The following GPHN variants were observed in gnomAD, a reference collection of about 807,000 sequenced individuals.
GPHN encodes gephyrin.
GPHN carries 17 observed loss-of-function variants against 95.5 expected under a neutral mutation model. That is an observed-to-expected ratio of 0.18 (90% CI 0.12 to 0.27). GPHN has a LOEUF of 0.27. GPHN is among the 10% of genes least tolerant of loss of function. GPHN has a pLI of 1.00. For missense variants in GPHN, 660 were observed against 978.1 expected, an observed-to-expected ratio of 0.67 and a Z score of 4.34; for synonymous variants, 320 against 322.5, an observed-to-expected ratio of 0.99 and a Z score of 0.08.
the GPHN span, among the ~76,000 whole-genome samples, chr14:67,436,660 C>A: frequency 6.6e-6 from 1 of 152,206 alleles, no homozygotes; most frequent in African/African-American, 2.4e-5. Context: ...TCCACAAGTT[C>A]CTCCCATAGG....
the GPHN span, among the ~76,000 whole-genome samples, chr14:67,313,324 C>T: frequency 2.0e-5 from 3 of 152,120 alleles, no homozygotes; most frequent in African/African-American, 7.2e-5. Context: ...AGAAATGTGC[C>T]ATTAGGTGAT....
At chr14:67,712,686 A>G in the GPHN span, among the ~76,000 whole-genome samples, 2 of 152,132 alleles carry the variant, frequency 1.3e-5, no homozygotes, top group Admixed American at 6.5e-5. Flanking sequence ...AATTGCTGCT[A>G]TTTCAGAAGT....
chr14:66,629,124 T>C (rs994562659), intron 1 of GPHN, among the ~76,000 whole-genome samples: 35 of 135,276 alleles, frequency 2.6e-4, no homozygotes, highest in African/African-American at 7.3e-4. Context: ...TATATAAATA[T>C]GTATATAAAT....
chr14:67,372,458 C>T, the GPHN span, among the ~76,000 whole-genome samples: 1 of 152,174 alleles, frequency 6.6e-6, no homozygotes, highest in Non-Finnish European at 1.5e-5. Flanking sequence ...AAATTAAGAA[C>T]TTATGTTCTT....
chr14:67,214,509 T>C, the GPHN span, among the ~76,000 whole-genome samples: 1 of 152,246 alleles, frequency 6.6e-6, no homozygotes, highest in African/African-American at 2.4e-5. Flanking sequence ...GGCTCTGTTC[T>C]GTTCCATTGA....
chr14:67,180,419 T>C (rs1307714626), intron 22 of GPHN, among the ~76,000 whole-genome samples: 2 of 152,220 alleles, frequency 1.3e-5, no homozygotes, highest in African/African-American at 2.4e-5. Flanking sequence ...GTAAAGTGCC[T>C]AGTACTTTGG....
chr14:67,200,205 C>A, the GPHN span: 1 of 1,115,596 alleles, frequency 9.0e-7, no homozygotes, highest in Non-Finnish European at 1.3e-6. Flanking sequence ...TGATGCCCCC[C>A]ATGGATACAC....
At chr14:66,940,033 C>A (rs1360782621) in intron 8 of GPHN, among the ~76,000 whole-genome samples, 1 of 152,098 alleles carries the variant, frequency 6.6e-6, no homozygotes, top group Non-Finnish European at 1.5e-5. Flanking sequence ...AAAAGCTTGA[C>A]CGGTAAGAAA....
At chr14:67,488,264 T>A in the GPHN span, among the ~76,000 whole-genome samples, 1 of 152,260 alleles carries the variant, frequency 6.6e-6, no homozygotes, top group Admixed American at 6.5e-5. Context: ...TAGAGGCCGC[T>A]TGGGCCCTTG....
At chr14:67,098,526 TG>T (rs2077516876) in intron 12 of GPHN, among the ~76,000 whole-genome samples, 1 of 151,392 alleles carries the variant, frequency 6.6e-6, no homozygotes, top group South Asian at 2.1e-4. Flanking sequence ...AAAAAGAAAA[TG>T]GGTCAGGCGC....
intron 1 of GPHN, among the ~76,000 whole-genome samples, chr14:66,557,174 T>C (rs1483558817): frequency 1.3e-5 from 2 of 151,914 alleles, no homozygotes; most frequent in African/African-American, 4.8e-5. Context: ...GCCACTGTAC[T>C]CCAGCCTGGG....
At chr14:67,473,689 TGAGGCAGCGCA>T in the GPHN span, 1 of 1,588,302 alleles carries the variant, frequency 6.3e-7, no homozygotes, top group East Asian at 2.3e-5. This position sits in a 1 kb window ranked among gnomAD's most constrained non-coding sequence, Gnocchi z 6.5. Flanking sequence ...AGCGTGTAGA[TGAGGCAGCGCA>T]GGAGCAGCGG....
At chr14:66,513,826 T>C (rs1308315143) in intron 1 of GPHN, among the ~76,000 whole-genome samples, 3 of 151,958 alleles carry the variant, frequency 2.0e-5, no homozygotes, top group Non-Finnish European at 4.4e-5. Context: ...ATTTATAAAC[T>C]AAATTGTTTT....
At chr14:66,775,051 G>T (rs1251363338) in intron 2 of GPHN, among the ~76,000 whole-genome samples, 1 of 151,780 alleles carries the variant, frequency 6.6e-6, no homozygotes, top group Non-Finnish European at 1.5e-5. Context: ...TTAGTTCAGG[G>T]TGTACATTTG....
At chr14:67,650,723 T>C in the GPHN span, 1 of 1,613,844 alleles carries the variant, frequency 6.2e-7, no homozygotes, top group Admixed American at 1.7e-5. Context: ...AGGGTTGCTA[T>C]CAGCACTGGA....
intron 1 of GPHN, among the ~76,000 whole-genome samples, chr14:66,625,860 G>A (rs1192802139): frequency 6.6e-6 from 1 of 152,148 alleles, no homozygotes. Flanking sequence ...ATTTAATAGG[G>A]AGGCAATAAA....
intron 1 of GPHN, among the ~76,000 whole-genome samples, chr14:66,576,719 G>T (rs1254929447): frequency 5.3e-5 from 8 of 152,102 alleles, no homozygotes; most frequent in Non-Finnish European, 1.2e-4. Flanking sequence ...CCTTAGTGCT[G>T]CCAGCAGAAT....
the GPHN span, among the ~76,000 whole-genome samples, chr14:67,476,312 C>T: frequency 3.3e-5 from 5 of 152,186 alleles, no homozygotes; most frequent in Non-Finnish European, 7.3e-5. Context: ...TCAGGCTGGG[C>T]GCAGTGGCTC....
At chr14:67,356,186 G>A in the GPHN span, among the ~76,000 whole-genome samples, 1 of 152,228 alleles carries the variant, frequency 6.6e-6, no homozygotes, top group Admixed American at 6.5e-5. Context: ...TTGGGAGGCC[G>A]AGGCAGGTGG....
Sources: allele counts gnomAD v4.1 joint callset (sites outside exome capture counted in the v4.1 genomes callset), GRCh38; gene constraint gnomAD v4.1.1; non-coding constraint Gnocchi (gnomAD v3.1); transcripts MANE v1.5; gene names NCBI Gene and HGNC (gene_info 2026-07-23, HGNC 2026-07-21).